KLB: variants seen among roughly 807,000 people sequenced by gnomAD.
The protein encoded by KLB is beta-klotho.
A neutral mutation model predicts 88.4 loss-of-function variants in KLB; 44 were observed. The ratio of observed to expected loss-of-function variants is 0.50; its 90% CI spans 0.39 to 0.64. The LOEUF (loss-of-function observed/expected upper bound fraction) is 0.64. Among genes scored for constraint, KLB ranks in the 30% least tolerant of loss-of-function variants. The probability of loss-of-function intolerance (pLI) is 0.00; values close to 1 mark genes in which losing one functional copy is unlikely to be tolerated. For synonymous variants in KLB, 548 were observed against 513.4 expected, an observed-to-expected ratio of 1.07 and a Z score of -0.91; for missense variants, 1,137 against 1,304.8, an observed-to-expected ratio of 0.87 and a Z score of 1.98.
rs1222352864 is a variant in KLB, at chr4:39,451,191, T to C, written c.*2505T>C. ...CTTAAATTTTTTAACCACTGGCAAA[T>C]ATGTACAGCAAATTAGGTTAAGCAT... On this transcript the variant is annotated 3_prime_UTR_variant, in exon 5 of 5. Coordinates refer to ENST00000257408, the MANE Select transcript of KLB (RefSeq NM_175737.4). 11 of 152,234 alleles carry C rather than the reference T, an allele frequency of 7.2e-5. No homozygotes were observed. Among genetic ancestry groups the C allele is most frequent in the Admixed American group, 6.5e-4 (10 of 15,286 alleles). 9.4% of individuals were successfully genotyped at this position (152,234 alleles called of 1,614,324 possible).
chr4:39,407,489 C>A lies in KLB; in HGVS notation c.540C>A (p.Asp180Glu). Residue 180 changes from aspartate to glutamate, a missense_variant, in exon 1 of 5, where the codon GAC becomes GAA. Transcript: ENST00000257408. Reference protein sequence around the residue: ...KGLQYYSTLLDALVLRNIEPI... With the variant: ...KGLQYYSTLLEALVLRNIEPI... ...TGCAGTACTACAGTACTCTTCTGGACGCTCTAGTGCTTAGAAACATTGAAC... is the reference window on the plus strand; with the variant it reads ...TGCAGTACTACAGTACTCTTCTGGAAGCTCTAGTGCTTAGAAACATTGAAC... The A allele has an allele frequency of 1.2e-6, 2 of 1,614,154 alleles. No individual in the cohort carries two copies. The highest frequency in any genetic ancestry group is 1.7e-6 in the Non-Finnish European group (2 of 1,179,992).
intron 1 of KLB, among the ~76,000 whole-genome samples, chr4:39,433,625 C>T (rs368164567): frequency 3.3e-5 from 5 of 152,152 alleles, no homozygotes; most frequent in East Asian, 1.9e-4. Context: ...TTTGGGAGGC[C>T]GAGGAGGGTG....
chr4:39,443,698 T>A (rs1578214440), intron 3 of KLB, among the ~76,000 whole-genome samples: 2 of 145,270 alleles, frequency 1.4e-5, no homozygotes, highest in South Asian at 2.2e-4. Context: ...GAGACGGAGG[T>A]TGCAGTGAGC....
Position 39,414,655 on chromosome 4 carries a change from G to T in KLB, c.825+6881G>T, listed in dbSNP as rs145725875. Among the ~76,000 whole-genome samples, 368 of 151,962 alleles carry T rather than the reference G, an allele frequency of 2.4e-3. 1 individual carries two copies. Among genetic ancestry groups the T allele is most frequent in the African/African-American group, 8.7e-3 (359 of 41,480 alleles). ...AGAGGCCAAGGTGGGCACATCACGA[G>T]GTCAGGAGTTCGAGACCAGCCTGGC... On this transcript the variant is annotated intron_variant, in intron 1 of 4. Coordinates refer to ENST00000257408, the MANE Select transcript of KLB (RefSeq NM_175737.4).
chr4:39,432,450 G>T (rs552560324), intron 1 of KLB, among the ~76,000 whole-genome samples: 4 of 152,276 alleles, frequency 2.6e-5, no homozygotes, highest in Non-Finnish European at 5.9e-5. Context: ...CATTTAAGTG[G>T]CATGGAGTCC....
chr4:39,435,663 T>G (rs1743458431), intron 2 of KLB, among the ~76,000 whole-genome samples: 1 of 151,822 alleles, frequency 6.6e-6, no homozygotes, highest in Non-Finnish European at 1.5e-5. Context: ...TGACCTCAGG[T>G]GATCCACCTG....
chr4:39,444,081 C>T (rs1560653163), intron 3 of KLB, among the ~76,000 whole-genome samples: 1 of 150,030 alleles, frequency 6.7e-6, no homozygotes, highest in East Asian at 2.0e-4. Context: ...CGCTTGAACC[C>T]GGGGGGCGGA....
intron 1 of KLB, among the ~76,000 whole-genome samples, chr4:39,431,110 T>G (rs1307630870): frequency 9.5e-6 from 1 of 104,790 alleles, no homozygotes; most frequent in Non-Finnish European, 2.1e-5. Flanking sequence ...TTTTTTTTTT[T>G]GTAGATACGG....
intron 1 of KLB, chr4:39,411,964 C>A (rs1470014307): frequency 6.6e-6 from 1 of 151,312 alleles, no homozygotes; most frequent in Non-Finnish European, 1.5e-5. Context: ...ATACCCATAG[C>A]TTAGCTCCCA....
chr4:39,407,742 G>T lies in KLB; in HGVS notation c.793G>T (p.Ala265Ser), dbSNP rs371147248. 3.1e-5 allele frequency: 50 copies of T among 1,605,900 alleles called. No homozygotes were observed. The East Asian group carries it at 7.8e-4, about 25-fold the overall frequency. Residue 265 changes from alanine (A) to serine (S), a missense_variant, in exon 1 of 5, where the codon GCT becomes TCT. By Grantham distance (99) the Ala-to-Ser change is moderately conservative. This residue lies in a region of KLB where 597 missense variants were observed against 765.2 expected (regional missense o/e 0.78). Transcript: ENST00000257408. ...HAPGEKGNLA[A>S]VYTVGHNLIK... is the part of the protein sequence containing the mutation. Reference sequence around the variant, plus strand: ...CCCTGGAGAGAAGGGAAATTTAGCAGCTGTCTACACTGTGGGACACAACTT... The same window carrying T: ...CCCTGGAGAGAAGGGAAATTTAGCATCTGTCTACACTGTGGGACACAACTT...
chr4:39,440,178 C>G (rs1743570333), intron 3 of KLB, among the ~76,000 whole-genome samples: 1 of 151,200 alleles, frequency 6.6e-6, no homozygotes, highest in African/African-American at 2.4e-5. Context: ...CAGAGTCTTA[C>G]TGTGTTGCCC....
At chr4:39,432,972 C>T (rs1018728591) in intron 1 of KLB, among the ~76,000 whole-genome samples, 10 of 151,844 alleles carry the variant, frequency 6.6e-5, no homozygotes, top group Admixed American at 2.6e-4. Context: ...TCTGCCTTCC[C>T]GGGTTCAAGC....
Position 39,447,266 on chromosome 4 carries a change from T to A in KLB, c.2540T>A (p.Ile847Asn), listed in dbSNP as rs201033295. Residue 847 changes from isoleucine (I) to asparagine (N), a missense_variant, in exon 4 of 5, where the codon ATC (isoleucine) becomes AAC (asparagine). Physicochemically the swap from Ile to Asn is moderately radical, Grantham distance 149. Transcript: ENST00000257408. ...AGSRYDSDRD[I>N]QFLQDITRLS... Reference sequence around the variant, plus strand: ...AGCCGCTACGACTCGGACAGGGACATCCAGTTTCTGCAGGACATCACCCGC... The same window carrying A: ...AGCCGCTACGACTCGGACAGGGACAACCAGTTTCTGCAGGACATCACCCGC... 137 of 1,613,964 alleles carry A rather than the reference T, an allele frequency of 8.5e-5. No individual in the cohort carries two copies. The highest frequency in any genetic ancestry group is 1.1e-5 in the Non-Finnish European group (13 of 1,180,024).
intron 1 of KLB, among the ~76,000 whole-genome samples, chr4:39,431,162 TC>T (rs1743351802): frequency 6.7e-6 from 1 of 148,908 alleles, no homozygotes; most frequent in African/African-American, 2.5e-5. Context: ...ATTCCTGAGC[TC>T]AAGCAATCTT....
At chr4:39,417,833 A>G (rs1220952074) in intron 1 of KLB, among the ~76,000 whole-genome samples, 4 of 152,202 alleles carry the variant, frequency 2.6e-5, no homozygotes, top group Non-Finnish European at 2.9e-5. Flanking sequence ...CTGAAACTCA[A>G]CTTACAATTG....
chr4:39,407,400 T>C lies in KLB; in HGVS notation c.451T>C (p.Phe151Leu). 1 of 1,613,570 alleles carries C rather than the reference T, an allele frequency of 6.2e-7. No individual in the cohort carries two copies. The highest frequency in any genetic ancestry group is 8.5e-7 in the Non-Finnish European group (1 of 1,179,894). Residue 151 changes from phenylalanine (F) to leucine (L), a missense_variant, in exon 1 of 5, where the codon TTT becomes CTT. Physicochemically the swap from Phe to Leu is conservative, Grantham distance 22. Around this residue, in one of 4 missense-constraint regions of KLB, gnomAD observed 597 missense variants for 765.2 expected, o/e 0.78. Coordinates refer to ENST00000257408, the MANE Select transcript of KLB (RefSeq NM_175737.4). The stretch of plus-strand genomic sequence containing the variant: ...TTTTATAGGAGTTTCTTTTTATCAA[T>C]TTTCAATTTCCTGGCCAAGGCTTTT... ...LDFIGVSFYQ[F>L]SISWPRLFPD...
At chr4:39,437,229 C>T (rs1379978812) in intron 2 of KLB, among the ~76,000 whole-genome samples, 2 of 152,206 alleles carry the variant, frequency 1.3e-5, no homozygotes, top group African/African-American at 4.8e-5. Context: ...CATTCTCTTA[C>T]ATCACTTTTC....
chr4:39,422,141 A>G (rs952483416), intron 1 of KLB, among the ~76,000 whole-genome samples: 1 of 152,130 alleles, frequency 6.6e-6, no homozygotes, highest in African/African-American at 2.4e-5. Context: ...AGCCTGTTCA[A>G]TCACCTTCGG....
At chr4:39,431,091 ATTTT>A (rs35397824) in intron 1 of KLB, among the ~76,000 whole-genome samples, 134 of 114,662 alleles carry the variant, frequency 1.2e-3, no homozygotes, top group African/African-American at 3.2e-3. Context: ...TAATTTTTGT[ATTTT>A]TTTTTTTTTT....
Sources: gnomAD v4.1 joint callset for allele counts (sites outside exome capture counted in the v4.1 genomes callset) on GRCh38, gnomAD v4.1.1 for gene constraint, gnomAD v4.1.1 regional missense constraint, MANE v1.5 for transcripts, NCBI Gene and HGNC (gene_info 2026-07-23, HGNC 2026-07-21) for gene names.